CORO2A: variants seen among roughly 807,000 people sequenced by gnomAD.
CORO2A encodes coronin-2A.
A neutral mutation model predicts 62.4 loss-of-function variants in CORO2A; 47 were observed. The observed-to-expected ratio is 0.75, with a 90% confidence interval of 0.60 to 0.96. CORO2A has a LOEUF of 0.96. Among genes scored for constraint, CORO2A ranks in the 40% least tolerant of loss-of-function variants. CORO2A has a pLI of 0.00. For missense variants in CORO2A, 610 were observed against 684.1 expected (o/e 0.89, Z 1.21); for synonymous variants, 273 against 268.9 (o/e 1.02, Z -0.15).
chr9:98,136,738 G>A (rs965748208), intron 3 of CORO2A, among the ~76,000 whole-genome samples: 2 of 152,188 alleles, frequency 1.3e-5, no homozygotes, highest in African/African-American at 4.8e-5. Flanking sequence ...TACCTTGTGG[G>A]GTTGCTGGGG....
In CORO2A at chr9:98,138,707, G is replaced by A. The variant is rs188639670; in HGVS notation, c.202-1019C>T. On this transcript the variant is annotated intron_variant, in intron 2 of 11. Transcript: ENST00000375077. The stretch of plus-strand genomic sequence containing the variant: ...GGTTTCATTGCCTGAGCACATTAAT[G>A]CATCCCCCTGGTACCTGGTATCTGG... Among the ~76,000 whole-genome samples, 305 of 152,284 alleles carry A rather than the reference G, an allele frequency of 2.0e-3. 4 individuals carry two copies. Among genetic ancestry groups the A allele is most frequent in the African/African-American group, 7.1e-3 (296 of 41,552 alleles).
intron 6 of CORO2A, 85 bp downstream of exon 6, chr9:98,132,100 G>T: frequency 1.0e-6 from 1 of 991,038 alleles, no homozygotes. Context: ...TGTCATAAAT[G>T]GGTGTCTAAA....
chr9:98,128,202 G>C lies in CORO2A; in HGVS notation c.1139C>G (p.Thr380Arg). ...CATCCCGCTGAGCCACTCCTGGGCC[G>C]TCAGGGAGGGCTGGGCCCCTGCTGT... ...PPTAGAQPSL[T>R]AQEWLSGMNR... Residue 380 changes from threonine (T) to arginine (R), a missense_variant, in exon 10 of 12, where the codon ACG becomes AGG. Physicochemically the swap from Thr to Arg is moderately conservative, Grantham distance 71. Transcript: ENST00000375077. The C allele has an allele frequency of 6.2e-7, 1 of 1,613,344 alleles. No homozygotes were observed. The highest frequency in any genetic ancestry group is 8.5e-7 in the Non-Finnish European group (1 of 1,179,596).
At chr9:98,153,389 G>GCGCAT (rs1827754239) in intron 2 of CORO2A, among the ~76,000 whole-genome samples, 1 of 150,856 alleles carries the variant, frequency 6.6e-6, no homozygotes, top group African/African-American at 2.4e-5. Context: ...GCGTAAGCCA[G>GCGCAT]CGCATCCGGC....
At chr9:98,177,757 AC>A (rs1473738017) in intron 1 of CORO2A, among the ~76,000 whole-genome samples, 142 of 151,584 alleles carry the variant, frequency 9.4e-4, no homozygotes, top group African/African-American at 3.3e-3. Context: ...AAAAAAAAAA[AC>A]AAACTGTGCT....
intron 2 of CORO2A, among the ~76,000 whole-genome samples, chr9:98,156,656 T>C (rs1827806489): frequency 6.6e-6 from 1 of 152,364 alleles, no homozygotes; most frequent in Non-Finnish European, 1.5e-5. Context: ...CTGCGTGATC[T>C]TTTAACTTCT....
chr9:98,170,949 T>C (rs1828026221), intron 1 of CORO2A, among the ~76,000 whole-genome samples: 1 of 152,234 alleles, frequency 6.6e-6, no homozygotes, highest in South Asian at 2.1e-4. Context: ...TCAGCTGTCC[T>C]GAGAAGGTCT....
At chr9:98,127,290 C>T (rs1006192958) in intron 10 of CORO2A, among the ~76,000 whole-genome samples, 1 of 152,230 alleles carries the variant, frequency 6.6e-6, no homozygotes, top group Non-Finnish European at 1.5e-5. Flanking sequence ...CCCTGGTCCG[C>T]TGCCCCCCAA....
rs993841183 is a variant in CORO2A, at chr9:98,154,337, A to C, written c.201+3123T>G. On this transcript the variant is annotated intron_variant, in intron 2 of 11. Coordinates refer to ENST00000375077, the MANE Select transcript of CORO2A (RefSeq NM_052820.4). ...TTCTTATGTGTTTGTGTGTATATAT[A>C]TATATATATATATATACACAAATAC... 2.5e-5 allele frequency among the ~76,000 whole-genome samples: 3 copies of C among 120,734 alleles called. 1 individual carries two copies. The highest frequency in any genetic ancestry group is 5.1e-5 in the Non-Finnish European group (3 of 58,378). 79.2% of individuals were successfully genotyped at this position (120,734 alleles called of 152,430 possible).
At chr9:98,172,278 T>G (rs1388701447) in intron 1 of CORO2A, among the ~76,000 whole-genome samples, 1 of 125,652 alleles carries the variant, frequency 8.0e-6, no homozygotes, top group Admixed American at 8.2e-5. Flanking sequence ...ACCCCACTTC[T>G]GAGCTCGACC....
At chr9:98,134,986 T>A (rs760527176) in intron 3 of CORO2A, 31 bp from the exon 4 acceptor site, 2 of 1,609,632 alleles carry the variant, frequency 1.2e-6, no homozygotes, top group South Asian at 2.2e-5. Context: ...CAAGGCAGCA[T>A]TAGCCAGGGC....
At chr9:98,147,609 C>T (rs2761060) in intron 2 of CORO2A, among the ~76,000 whole-genome samples, 101,495 of 152,018 alleles carry the variant, frequency 0.67, 34,223 homozygotes, top group African/African-American at 0.75. Context: ...GCAAGTAAAA[C>T]ACAGGATGCC....
chr9:98,162,249 T>C (rs1414976029), intron 1 of CORO2A, among the ~76,000 whole-genome samples: 1 of 152,054 alleles, frequency 6.6e-6, no homozygotes, highest in Non-Finnish European at 1.5e-5. Flanking sequence ...ATGATGACAA[T>C]AGCTCTTTCA....
chr9:98,161,424 C>T (rs371693595), intron 1 of CORO2A, among the ~76,000 whole-genome samples: 8 of 151,944 alleles, frequency 5.3e-5, no homozygotes, highest in African/African-American at 1.7e-4. Context: ...TGTGGTGGCG[C>T]GCGCCTGTAG....
intron 6 of CORO2A, among the ~76,000 whole-genome samples, chr9:98,131,327 TC>T (rs1827405230): frequency 1.0e-5 from 1 of 97,770 alleles, no homozygotes; most frequent in Non-Finnish European, 2.0e-5. Flanking sequence ...CCTTAACAAA[TC>T]ACTTTTTTTT....
At chr9:98,126,424 C>A in intron 11 of CORO2A, 125 bp downstream of exon 11, 1 of 1,298,950 alleles carries the variant, frequency 7.7e-7, no homozygotes, top group Non-Finnish European at 1.1e-6. Context: ...AGTCAAGTGA[C>A]TAGGCCAGGC....
At chr9:98,128,109 G>A (rs574027996) in intron 10 of CORO2A, 61 bp downstream of exon 10, 56 of 1,382,290 alleles carry the variant, frequency 4.1e-5, no homozygotes, top group South Asian at 4.0e-4. Flanking sequence ...AATTGCTTGG[G>A]GCCACTGGGC....
At chr9:98,147,328 T>C (rs1827655189) in intron 2 of CORO2A, among the ~76,000 whole-genome samples, 1 of 151,556 alleles carries the variant, frequency 6.6e-6, no homozygotes, top group Non-Finnish European at 1.5e-5. Flanking sequence ...TACTGACATG[T>C]GGTAGGGGGC....
In CORO2A at chr9:98,128,703, T is replaced by C; in HGVS notation, c.984A>G (p.Arg328=). Residue 328 remains arginine (R), a synonymous_variant, in exon 9 of 12, where the codon AGA becomes AGG. Transcript: ENST00000375077. The part of the protein sequence containing the change: ...PQKGIGVMPK[R]GLDVSSCEIF... ...TCTCGCAGGAGGACACGTCGAGTCC[T>C]CTCTTTGGCATGACACCTGAAGGCA... The C allele has an allele frequency of 6.2e-7, 1 of 1,614,128 alleles. No homozygotes were observed. Among genetic ancestry groups the C allele is most frequent in the Non-Finnish European group, 8.5e-7 (1 of 1,180,002 alleles).
Sources: allele counts gnomAD v4.1 joint callset (sites outside exome capture counted in the v4.1 genomes callset), GRCh38; gene constraint gnomAD v4.1.1; transcripts MANE v1.5; gene names NCBI Gene and HGNC (gene_info 2026-07-23, HGNC 2026-07-21).